Variants in SLCO1B3 observed in about 807,000 individuals in gnomAD.
SLCO1B3 encodes the protein solute carrier organic anion transporter family member 1B3.
In SLCO1B3, 72 loss-of-function variants were observed where a neutral mutation model predicts 71.8. That is an observed-to-expected ratio of 1.00 (90% CI 0.83 to 1.22). SLCO1B3 has a LOEUF of 1.22. SLCO1B3 is among the 50% of genes most tolerant of loss of function. The probability of loss-of-function intolerance (pLI) is 0.00; values close to 1 mark genes in which losing one functional copy is unlikely to be tolerated. For missense variants in SLCO1B3, 911 were observed against 819.7 expected, an observed-to-expected ratio of 1.11 and a Z score of -1.36; for synonymous variants, 298 against 278.4, an observed-to-expected ratio of 1.07 and a Z score of -0.70.
At chr12:20,825,435 G>C (rs963869757) in intron 3 of SLCO1B3, among the ~76,000 whole-genome samples, 10 of 152,052 alleles carry the variant, frequency 6.6e-5, no homozygotes, top group African/African-American at 2.4e-4. Flanking sequence ...GGGTTTGACT[G>C]GTGTTACGGT....
chr12:20,852,810 T>C (rs2121214154), intron 3 of SLCO1B3, among the ~76,000 whole-genome samples: 1 of 152,316 alleles, frequency 6.6e-6, no homozygotes, highest in East Asian at 1.9e-4. Flanking sequence ...AATGTGTTTA[T>C]TTTTTCTAAA....
At chr12:20,847,571 G>A (rs555783511) in intron 3 of SLCO1B3, among the ~76,000 whole-genome samples, 41 of 149,538 alleles carry the variant, frequency 2.7e-4, no homozygotes, top group African/African-American at 9.7e-4. Context: ...AACCCATTTA[G>A]TCTATAGTAA....
At chr12:20,867,059 T>C (rs561225694) in intron 8 of SLCO1B3, among the ~76,000 whole-genome samples, 10 of 152,262 alleles carry the variant, frequency 6.6e-5, no homozygotes, top group African/African-American at 2.4e-4. Context: ...CTTTTGATAA[T>C]TGGCAATGCT....
intron 3 of SLCO1B3, among the ~76,000 whole-genome samples, chr12:20,817,634 C>A (rs1864214662): frequency 6.6e-6 from 1 of 152,100 alleles, no homozygotes; most frequent in African/African-American, 2.4e-5. Context: ...GTCACCCAGG[C>A]TGGAGTGCAG....
chr12:20,845,093 A>G (rs1864887398), intron 3 of SLCO1B3: 1 of 420,406 alleles, frequency 2.4e-6, no homozygotes, highest in South Asian at 1.9e-5. Flanking sequence ...TTCATTGCTA[A>G]CCAAGGTGAT....
chr12:20,913,381 T>C (rs1290813093), intron 15 of SLCO1B3, among the ~76,000 whole-genome samples: 3 of 152,212 alleles, frequency 2.0e-5, no homozygotes, highest in Admixed American at 2.0e-4. Flanking sequence ...TCCAAGAACC[T>C]GTAGACAATG....
chr12:20,909,688 T>C (rs1430482093), intron 15 of SLCO1B3, among the ~76,000 whole-genome samples: 8 of 152,136 alleles, frequency 5.3e-5, no homozygotes, highest in Admixed American at 5.2e-4. Flanking sequence ...ACAGTGTCTC[T>C]TACTTTCTCA....
In SLCO1B3 at chr12:20,897,180, C is replaced by T. The variant is rs1052116719; in HGVS notation, c.1683-1256C>T. Among the ~76,000 whole-genome samples the T allele has an allele frequency of 2.0e-5, 3 of 152,224 alleles. 1 individual carries two copies. The highest frequency in any genetic ancestry group is 3.9e-4 in the East Asian group (2 of 5,192). On this transcript the variant is annotated intron_variant, in intron 13 of 15. Transcript: ENST00000381545. ...TGCCCTCAGCTGTGCTAACAAAGTG[C>T]TGCTGTCCTTTGTCAAAGCAGGGCC... is the stretch of plus-strand genomic sequence containing the variant.
chr12:20,844,001 C>T (rs1864855201), intron 3 of SLCO1B3, among the ~76,000 whole-genome samples: 1 of 151,800 alleles, frequency 6.6e-6, no homozygotes, highest in African/African-American at 2.4e-5. Flanking sequence ...GGAAAATGTG[C>T]ATTTATTTTA....
intron 3 of SLCO1B3, among the ~76,000 whole-genome samples, chr12:20,816,303 A>G (rs1864192899): frequency 6.6e-6 from 1 of 152,120 alleles, no homozygotes; most frequent in South Asian, 2.1e-4. Context: ...CATTCTTTTT[A>G]ACTATTTTTT....
intron 8 of SLCO1B3, among the ~76,000 whole-genome samples, chr12:20,866,870 A>G (rs1865382572): frequency 1.3e-5 from 2 of 152,152 alleles, no homozygotes; most frequent in South Asian, 2.1e-4. Context: ...TTACCTATAC[A>G]ACTGCTAATC....
chr12:20,905,371 A>C (rs2120411065), intron 15 of SLCO1B3, among the ~76,000 whole-genome samples: 1 of 152,318 alleles, frequency 6.6e-6, no homozygotes, highest in Non-Finnish European at 1.5e-5. Context: ...TTTCTACAGC[A>C]GGCTTGATTT....
chr12:20,881,896 A>G (rs1220367359), intron 12 of SLCO1B3, among the ~76,000 whole-genome samples: 1 of 152,098 alleles, frequency 6.6e-6, no homozygotes. Flanking sequence ...AATTCTAAAC[A>G]TTTTCTATCT....
intron 5 of SLCO1B3, among the ~76,000 whole-genome samples, chr12:20,859,460 C>T (rs1865208605): frequency 1.3e-5 from 2 of 151,980 alleles, no homozygotes; most frequent in South Asian, 2.1e-4. Flanking sequence ...GCAATCATGC[C>T]TGTTGGTCAC....
At chr12:20,834,144 AAT>A (rs1290530488) in intron 3 of SLCO1B3, among the ~76,000 whole-genome samples, 19 of 125,042 alleles carry the variant, frequency 1.5e-4, no homozygotes, top group Middle Eastern at 0.012. Flanking sequence ...ACACATATAA[AAT>A]ATATGTATTT....
chr12:20,836,343 C>T (rs1022967380), intron 3 of SLCO1B3, among the ~76,000 whole-genome samples: 1 of 152,076 alleles, frequency 6.6e-6, no homozygotes, highest in Non-Finnish European at 1.5e-5. Context: ...TGGAATAAAT[C>T]CCATTTGATC....
chr12:20,820,154 G>A (rs192589331), intron 3 of SLCO1B3, among the ~76,000 whole-genome samples: 2,512 of 152,244 alleles, frequency 0.016, 28 homozygotes, highest in Non-Finnish European at 0.023. Context: ...GTAATGTGGA[G>A]TGGGTAGCCT....
Position 20,876,890 on chromosome 12 carries a change from G to A in SLCO1B3, c.971-882G>A, listed in dbSNP as rs557942890. On this transcript the variant is annotated intron_variant, in intron 9 of 15. Transcript: ENST00000381545. ...CTGTCACCCAGGCTGGAGTGCAGTG[G>A]TGCAATCTTGACTCACTGCAACCTC... Among the ~76,000 whole-genome samples the A allele has an allele frequency of 3.0e-4, 46 of 152,114 alleles. 1 individual carries two copies. The South Asian group carries it at 5.0e-3, about 16-fold the overall frequency.
intron 4 of SLCO1B3, among the ~76,000 whole-genome samples, chr12:20,856,320 T>C (rs1865134936): frequency 6.6e-6 from 1 of 152,164 alleles, no homozygotes; most frequent in Admixed American, 6.5e-5. Context: ...GAGTATACCT[T>C]CATGTATAGA....
Sources: allele counts gnomAD v4.1 joint callset (sites outside exome capture counted in the v4.1 genomes callset), GRCh38; gene constraint gnomAD v4.1.1; transcripts MANE v1.5; gene names NCBI Gene and HGNC (gene_info 2026-07-23, HGNC 2026-07-21).